BLTP3B: variants seen among roughly 807,000 people sequenced by gnomAD.
BLTP3B encodes the protein bridge-like lipid transfer protein family member 3B.
At chr12:100,117,214 CA>C in the BLTP3B span, among the ~76,000 whole-genome samples, 2 of 152,100 alleles carry the variant, frequency 1.3e-5, no homozygotes, top group African/African-American at 2.4e-5. Flanking sequence ...TACTTCCTTC[CA>C]AAATGTTCAG....
the BLTP3B span, among the ~76,000 whole-genome samples, chr12:100,078,093 G>A: frequency 2.6e-5 from 4 of 152,108 alleles, no homozygotes; most frequent in African/African-American, 9.7e-5. Flanking sequence ...TAAATCTCAT[G>A]TTCAATTGTA....
chr12:100,059,309 A>G, the BLTP3B span: 1 of 1,614,088 alleles, frequency 6.2e-7, no homozygotes, highest in South Asian at 1.1e-5. Flanking sequence ...GTCTCTGGAA[A>G]ATTGGATGTA....
chr12:100,100,523 A>G, the BLTP3B span, among the ~76,000 whole-genome samples: 2 of 151,940 alleles, frequency 1.3e-5, no homozygotes, highest in Non-Finnish European at 2.9e-5. Context: ...CAGCCTAGGC[A>G]ACACATGGAG....
At chr12:100,130,980 A>AGG in the BLTP3B span, among the ~76,000 whole-genome samples, 72 of 82,502 alleles carry the variant, frequency 8.7e-4, no homozygotes, top group Admixed American at 1.2e-3. Context: ...AGAGAGAGGG[A>AGG]GGGAGAGAGA....
the BLTP3B span, among the ~76,000 whole-genome samples, chr12:100,078,714 G>C: frequency 6.6e-6 from 1 of 152,296 alleles, no homozygotes; most frequent in Admixed American, 6.5e-5. Context: ...CTGAGGAAAA[G>C]TTTCACATTT....
chr12:100,121,587 T>C, the BLTP3B span, among the ~76,000 whole-genome samples: 81 of 152,066 alleles, frequency 5.3e-4, no homozygotes, highest in Non-Finnish European at 9.7e-4. Context: ...TCCCAACACT[T>C]TGGGAGGCCA....
the BLTP3B span, among the ~76,000 whole-genome samples, chr12:100,095,148 T>C: frequency 6.6e-6 from 1 of 152,280 alleles, no homozygotes; most frequent in African/African-American, 2.4e-5. Context: ...TTCCTCTCCA[T>C]ACCAACTAAT....
the BLTP3B span, chr12:100,097,349 A>C: frequency 3.1e-6 from 5 of 1,600,834 alleles, no homozygotes; most frequent in Non-Finnish European, 4.3e-6. Context: ...TCAAAAATGT[A>C]ATCTTGTTGA....
chr12:100,134,136 AAAC>A, the BLTP3B span, among the ~76,000 whole-genome samples: 9 of 152,112 alleles, frequency 5.9e-5, no homozygotes, highest in Non-Finnish European at 1.2e-4. Flanking sequence ...GGATAAAAAA[AAAC>A]AACAATAGCA....
the BLTP3B span, among the ~76,000 whole-genome samples, chr12:100,086,920 G>A: frequency 5.3e-5 from 8 of 152,114 alleles, no homozygotes; most frequent in African/African-American, 1.9e-4. Flanking sequence ...CAGCACTTTG[G>A]GAGGCCGAGG....
chr12:100,057,537 T>C, the BLTP3B span: 4 of 1,571,642 alleles, frequency 2.5e-6, no homozygotes, highest in South Asian at 3.5e-5. Flanking sequence ...TGTATGTACG[T>C]AATATGAATT....
chr12:100,142,842 G>A, the BLTP3B span: 4 of 639,034 alleles, frequency 6.3e-6, no homozygotes, highest in East Asian at 3.4e-5. Context: ...CGCCGCGGGC[G>A]CCATCTTGGC....
chr12:100,140,124 T>A, the BLTP3B span, among the ~76,000 whole-genome samples: 553 of 152,328 alleles, frequency 3.6e-3, 5 homozygotes, highest in African/African-American at 0.013. Flanking sequence ...GTTCATTCCT[T>A]CCTGAGTAAC....
At chr12:100,070,222 C>A in the BLTP3B span, 1 of 1,536,526 alleles carries the variant, frequency 6.5e-7, no homozygotes, top group African/African-American at 1.4e-5. Context: ...AAACAAAAAA[C>A]CACAAAAGAT....
At chr12:100,098,523 T>C in the BLTP3B span, 2 of 1,612,338 alleles carry the variant, frequency 1.2e-6, no homozygotes, top group East Asian at 4.5e-5. Flanking sequence ...CAACTACTTT[T>C]TCAGCAAAGC....
the BLTP3B span, among the ~76,000 whole-genome samples, chr12:100,119,955 T>G: frequency 6.6e-6 from 1 of 152,202 alleles, no homozygotes; most frequent in South Asian, 2.1e-4. Flanking sequence ...CTCTGCCCTT[T>G]GAAAGACACT....
At chr12:100,123,797 C>T in the BLTP3B span, among the ~76,000 whole-genome samples, 1 of 151,390 alleles carries the variant, frequency 6.6e-6, no homozygotes. Flanking sequence ...GTTTGTCTGG[C>T]TTGGTTATTT....
the BLTP3B span, among the ~76,000 whole-genome samples, chr12:100,118,743 A>T: frequency 6.6e-6 from 1 of 152,234 alleles, no homozygotes; most frequent in Non-Finnish European, 1.5e-5. Flanking sequence ...ATTTTTAAAA[A>T]ATCAGAGCTG....
At chr12:100,087,520 C>T in the BLTP3B span, among the ~76,000 whole-genome samples, 17 of 152,200 alleles carry the variant, frequency 1.1e-4, no homozygotes, top group East Asian at 3.3e-3. Flanking sequence ...ACAGGATATA[C>T]CATGCAACAC....
Sources: allele counts gnomAD v4.1 joint callset (sites outside exome capture counted in the v4.1 genomes callset), GRCh38; gene constraint gnomAD v4.1.1; transcripts MANE v1.5; gene names NCBI Gene and HGNC (gene_info 2026-07-23, HGNC 2026-07-21).